Variants in HECW2 observed in about 807,000 individuals in gnomAD.
The protein encoded by HECW2 is E3 ubiquitin-protein ligase HECW2.
Under a neutral mutation model 175.2 loss-of-function variants are expected in HECW2, and 61 were observed. The observed-to-expected ratio is 0.35, with a 90% CI of 0.28 to 0.43. The LOEUF (loss-of-function observed/expected upper bound fraction) is 0.43. HECW2 is among the 20% of genes least tolerant of loss of function. The probability of loss-of-function intolerance (pLI) is 1.00; values close to 1 mark genes in which losing one functional copy is unlikely to be tolerated. For synonymous variants in HECW2, 671 were observed against 731.0 expected (o/e 0.92, Z 1.32); for missense variants, 1,524 against 2,000.5 (o/e 0.76, Z 4.54).
intron 2 of HECW2, 101 bp from the exon 3 acceptor site, chr2:196,343,865 G>A: frequency 1.3e-6 from 1 of 797,538 alleles, no homozygotes; most frequent in Non-Finnish European, 2.1e-6. Context: ...AAAGATAAAT[G>A]AGAAAATATA....
chr2:196,394,495 G>A (rs1694605901), intron 2 of HECW2, among the ~76,000 whole-genome samples: 1 of 152,118 alleles, frequency 6.6e-6, no homozygotes, highest in African/African-American at 2.4e-5. Flanking sequence ...TGGAGCTGGT[G>A]TAATTTTAGT....
intron 28 of HECW2, 78 bp from the exon 29 acceptor site, chr2:196,201,466 G>A: frequency 2.2e-6 from 2 of 902,664 alleles, no homozygotes; most frequent in South Asian, 1.4e-5. Context: ...GTGTGTGTGT[G>A]TGTCTGTGTG....
At chr2:196,258,084 G>GA in intron 17 of HECW2, 178 bp from the exon 18 acceptor site, 1 of 561,478 alleles carries the variant, frequency 1.8e-6, no homozygotes, top group Non-Finnish European at 3.1e-6. Context: ...CCTTCAAGGG[G>GA]GGGGATCTTG....
intron 1 of HECW2, among the ~76,000 whole-genome samples, chr2:196,569,507 C>T (rs541852234): frequency 6.6e-4 from 101 of 152,298 alleles, no homozygotes; most frequent in African/African-American, 2.2e-3. Context: ...TACACACATA[C>T]ATTTTTCCCT....
intron 1 of HECW2, among the ~76,000 whole-genome samples, chr2:196,533,097 A>G (rs1399915304): frequency 6.6e-6 from 1 of 152,216 alleles, no homozygotes; most frequent in African/African-American, 2.4e-5. Context: ...TAAGATTACA[A>G]TTGCATCTTA....
At chr2:196,500,545 T>C (rs966723468) in intron 1 of HECW2, among the ~76,000 whole-genome samples, 12 of 152,176 alleles carry the variant, frequency 7.9e-5, no homozygotes, top group African/African-American at 2.9e-4. Flanking sequence ...CAAAGAACAA[T>C]AAAATTCCAA....
chr2:196,565,571 A>G (rs1025858288), intron 1 of HECW2, among the ~76,000 whole-genome samples: 6 of 152,180 alleles, frequency 3.9e-5, no homozygotes, highest in African/African-American at 9.6e-5. Flanking sequence ...TTAACCACCA[A>G]TTTCACAAAA....
chr2:196,207,760 G>C (rs1471226181), intron 28 of HECW2, among the ~76,000 whole-genome samples: 1 of 152,190 alleles, frequency 6.6e-6, no homozygotes, highest in Admixed American at 6.5e-5. Flanking sequence ...ACGGGTGAGG[G>C]GAATTAATCT....
chr2:196,327,190 A>T (rs978843016), intron 5 of HECW2, among the ~76,000 whole-genome samples: 24 of 152,240 alleles, frequency 1.6e-4, no homozygotes, highest in Non-Finnish European at 2.5e-4. Context: ...TTGAACAAAA[A>T]GCATTCCACC....
At chr2:196,306,340 A>G (rs1387406359) in intron 13 of HECW2, 148 bp downstream of exon 13, 2 of 699,408 alleles carry the variant, frequency 2.9e-6, no homozygotes, top group Non-Finnish European at 4.3e-6. Context: ...TAAACCGGTT[A>G]AAGTGTACAG....
intron 1 of HECW2, among the ~76,000 whole-genome samples, chr2:196,545,012 T>C (rs761105747): frequency 3.9e-5 from 6 of 152,164 alleles, no homozygotes; most frequent in Non-Finnish European, 8.8e-5. Context: ...AAGATCTACA[T>C]GTGAGTGGGC....
intron 1 of HECW2, among the ~76,000 whole-genome samples, chr2:196,532,852 G>A (rs1319141172): frequency 1.3e-5 from 2 of 152,128 alleles, no homozygotes; most frequent in Non-Finnish European, 2.9e-5. Context: ...GGAGAAGGAG[G>A]AGGGACACAT....
chr2:196,512,478 A>G (rs1359885173), intron 1 of HECW2, among the ~76,000 whole-genome samples: 1 of 152,008 alleles, frequency 6.6e-6, no homozygotes, highest in Non-Finnish European at 1.5e-5. Context: ...CACAACCTCA[A>G]GCTCTCAGGC....
intron 1 of HECW2, among the ~76,000 whole-genome samples, 174 bp downstream of exon 1, chr2:196,593,334 C>G (rs1422475811): frequency 6.6e-6 from 1 of 150,606 alleles, no homozygotes; most frequent in Non-Finnish European, 1.5e-5. Context: ...CGGCGCGGCC[C>G]CGAGCGGCCC....
intron 1 of HECW2, among the ~76,000 whole-genome samples, chr2:196,559,165 C>G (rs1260864334): frequency 1.3e-5 from 2 of 152,216 alleles, no homozygotes; most frequent in African/African-American, 4.8e-5. Context: ...CTTTTCACTA[C>G]ACCATACTGA....
chr2:196,557,555 A>G (rs1689845552), intron 1 of HECW2, among the ~76,000 whole-genome samples: 1 of 152,152 alleles, frequency 6.6e-6, no homozygotes, highest in South Asian at 2.1e-4. Context: ...TCCTCTTCCA[A>G]CTCAGCCCAA....
intron 1 of HECW2, among the ~76,000 whole-genome samples, chr2:196,433,974 T>A (rs1695793946): frequency 1.3e-5 from 2 of 152,228 alleles, no homozygotes; most frequent in South Asian, 4.1e-4. Flanking sequence ...AAATGTTACC[T>A]CTTCTCCTAA....
chr2:196,500,427 C>G (rs1324323386), intron 1 of HECW2, among the ~76,000 whole-genome samples: 1 of 152,014 alleles, frequency 6.6e-6, no homozygotes, highest in Admixed American at 6.6e-5. Flanking sequence ...AGGATGTGAG[C>G]AGTTCAAATA....
At chr2:196,561,373 T>C (rs967342122) in intron 1 of HECW2, among the ~76,000 whole-genome samples, 1 of 152,214 alleles carries the variant, frequency 6.6e-6, no homozygotes, top group Non-Finnish European at 1.5e-5. Context: ...TGACAATGCG[T>C]GCACAGTGGG....
Sources: gnomAD v4.1 joint callset for allele counts (sites outside exome capture counted in the v4.1 genomes callset) on GRCh38, gnomAD v4.1.1 for gene constraint, MANE v1.5 for transcripts, NCBI Gene and HGNC (gene_info 2026-07-23, HGNC 2026-07-21) for gene names.